The following PSMA4 variants were observed in gnomAD, a reference collection of about 807,000 sequenced individuals.
The protein encoded by PSMA4 is proteasome subunit alpha type-4.
Under a neutral mutation model 37.2 loss-of-function variants are expected in PSMA4, and 8 were observed. The observed-to-expected ratio is 0.22, with a 90% CI of 0.13 to 0.39. The LOEUF is 0.39. PSMA4 is among the 10% of genes least tolerant of loss of function. PSMA4 has a pLI of 1.00. For missense variants in PSMA4, 169 were observed against 305.1 expected (o/e 0.55, Z 3.32); for synonymous variants, 93 against 98.8 (o/e 0.94, Z 0.35).
Position 78,546,580 on chromosome 15 carries a change from T to A in PSMA4, c.513T>A (p.Ala171=), listed in dbSNP as rs748326239. The change falls in exon 8 of 9, where the codon GCT becomes GCA. Residue 171 remains alanine (A), a synonymous_variant. Transcript: ENST00000044462. ...ATCIGNNSAA[A]VSMLKQDYKE... Reference sequence around the variant, plus strand: ...TGTTGATTCATGTTTTATAGGCAGCTGTGTCAATGTTGAAACAAGACTATA... The same window carrying A: ...TGTTGATTCATGTTTTATAGGCAGCAGTGTCAATGTTGAAACAAGACTATA... 6.3e-7 allele frequency: 1 copy of A among 1,581,812 alleles called. No individual in the cohort carries two copies.
At chr15:78,541,776 T>C in intron 1 of PSMA4, 129 bp from the exon 2 acceptor site, 4 of 765,158 alleles carry the variant, frequency 5.2e-6, no homozygotes, top group Non-Finnish European at 8.7e-6. Context: ...ATTTTGGTAT[T>C]CCAGCATCTA....
In PSMA4 at chr15:78,549,729, A is replaced by G. The variant is rs1342101750; in HGVS notation, c.*785A>G. ...AGTAATCTGTTCTAACAAGCTCTGCATGTGATTCTTAGGAATGCTAAGTAA... is the reference window on the plus strand; with the variant it reads ...AGTAATCTGTTCTAACAAGCTCTGCGTGTGATTCTTAGGAATGCTAAGTAA... On this transcript the variant is annotated 3_prime_UTR_variant, in exon 9 of 9. Coordinates refer to ENST00000044462, the MANE Select transcript of PSMA4 (RefSeq NM_002789.6). 1 of 152,274 alleles carries G rather than the reference A, an allele frequency of 6.6e-6. No individual in the cohort carries two copies. Among genetic ancestry groups the G allele is most frequent in the Admixed American group, 6.5e-5 (1 of 15,288 alleles). 9.4% of individuals were successfully genotyped at this position (152,274 alleles called of 1,614,324 possible).
intron 8 of PSMA4, among the ~76,000 whole-genome samples, chr15:78,548,247 AAG>A (rs2052591246): frequency 6.6e-6 from 1 of 152,082 alleles, no homozygotes; most frequent in African/African-American, 2.4e-5. Flanking sequence ...AAAAAAGAAA[AAG>A]AAAATGTCAT....
At chr15:78,544,132 TA>T in intron 4 of PSMA4, 57 bp from the exon 5 acceptor site, 1 of 1,311,396 alleles carries the variant, frequency 7.6e-7, no homozygotes, top group Non-Finnish European at 1.1e-6. Flanking sequence ...TAAATACTTA[TA>T]AACACTCCTT....
chr15:78,546,684 T>C lies in PSMA4; in HGVS notation c.617T>C (p.Leu206Pro), dbSNP rs749131777. 1 of 1,599,078 alleles carries C rather than the reference T, an allele frequency of 6.3e-7. No homozygotes were observed. Among genetic ancestry groups the C allele is most frequent in the Non-Finnish European group, 8.5e-7 (1 of 1,176,024 alleles). ...AATAAGACCATGGATGTTAGTAAACTCTCTGCTGAAAAAGGTAATTCATAT... is the reference window on the plus strand; with the variant it reads ...AATAAGACCATGGATGTTAGTAAACCCTCTGCTGAAAAAGGTAATTCATAT... Reference protein sequence around the residue: ...VLNKTMDVSKLSAEKVEIATL... With the variant: ...VLNKTMDVSKPSAEKVEIATL... Residue 206 changes from leucine to proline, a missense_variant, in exon 8 of 9, where the codon CTC (leucine) becomes CCC (proline). Leu to Pro is a moderately conservative substitution (Grantham distance 98). This residue lies in a region of PSMA4 where 90 missense variants were observed against 92.7 expected (regional missense o/e 0.97). Transcript: ENST00000044462.
In PSMA4 at chr15:78,551,792, T is replaced by G. The variant is rs562954438; in HGVS notation, c.*2848T>G. 1 of 152,274 alleles carries G rather than the reference T, an allele frequency of 6.6e-6. No individual in the cohort carries two copies. Among genetic ancestry groups the G allele is most frequent in the Admixed American group, 6.5e-5 (1 of 15,306 alleles). The allele number at this position is 152,274 out of a possible 1,614,324, so 9.4% of individuals were successfully genotyped here. On this transcript the variant is annotated 3_prime_UTR_variant, in exon 9 of 9. Transcript: ENST00000044462. Reference sequence around the variant, plus strand: ...TGCTTTCCATCCAGATCAGTAGCACTGGTGGATTTTCTGTATCCTGACTAC... The same window carrying G: ...TGCTTTCCATCCAGATCAGTAGCACGGGTGGATTTTCTGTATCCTGACTAC...
chr15:78,542,162 G>A lies in PSMA4; in HGVS notation c.4-15G>A. 2 of 1,611,710 alleles carry A rather than the reference G, an allele frequency of 1.2e-6. No individual in the cohort carries two copies. The highest frequency in any genetic ancestry group is 1.7e-6 in the Non-Finnish European group (2 of 1,178,634). ...TTCAGTGGGTAGGAATCACTCATGT[G>A]TTTTTCCTTTGCAGTCTCGAAGATA... is the stretch of plus-strand genomic sequence containing the variant. On this transcript the variant is annotated splice_polypyrimidine_tract_variant and intron_variant, in intron 2 of 8. Transcript: ENST00000044462.
rs749229214 is a variant in PSMA4, at chr15:78,546,566, G to T, written c.508-9G>T. On this transcript the variant is annotated splice_polypyrimidine_tract_variant and intron_variant, in intron 7 of 8. Coordinates refer to ENST00000044462, the MANE Select transcript of PSMA4 (RefSeq NM_002789.6). ...AACTTAAAATTCTATGTTGATTCAT[G>T]TTTTATAGGCAGCTGTGTCAATGTT... is the stretch of plus-strand genomic sequence containing the variant. 9 of 1,571,168 alleles carry T rather than the reference G, an allele frequency of 5.7e-6. No homozygotes were observed. The highest frequency in any genetic ancestry group is 1.7e-4 in the Middle Eastern group (1 of 5,890).
rs1020836773 is a variant in PSMA4 at position 78,551,691 on chromosome 15, C to T, written c.*2747C>T. 2 of 152,050 alleles carry T rather than the reference C, an allele frequency of 1.3e-5. No individual in the cohort carries two copies. Among genetic ancestry groups the T allele is most frequent in the Non-Finnish European group, 1.5e-5 (1 of 67,988 alleles). The allele number at this position is 152,050 out of a possible 1,614,324, so 9.4% of individuals were successfully genotyped here. A position where few individuals can be genotyped will look rare whatever the true frequency, so the allele number is the denominator to read the frequency against. ...TCGGTACCTAGAACAGAAACTGGCA[C>T]GTGTTAGGCAACAAATAAGTACTGA... is the stretch of plus-strand genomic sequence containing the variant. On this transcript the variant is annotated 3_prime_UTR_variant, in exon 9 of 9. Coordinates refer to ENST00000044462, the MANE Select transcript of PSMA4 (RefSeq NM_002789.6).
chr15:78,542,409 T>C lies in PSMA4; in HGVS notation c.47-74T>C, dbSNP rs2052471009. On this transcript the variant is annotated intron_variant, in intron 3 of 8. Transcript: ENST00000044462. Reference sequence around the variant, plus strand: ...GAAATTTGTTTCTAGCTTGCTTCATTGCTGATTTCTTTTGGGCCAGTGGTG... The same window carrying C: ...GAAATTTGTTTCTAGCTTGCTTCATCGCTGATTTCTTTTGGGCCAGTGGTG... 9.1e-6 allele frequency: 14 copies of C among 1,530,464 alleles called. No individual in the cohort carries two copies. The South Asian group carries it at 1.5e-4, about 16-fold the overall frequency. 94.8% of individuals were successfully genotyped at this position (1,530,464 alleles called of 1,614,324 possible). A position where few individuals can be genotyped will look rare whatever the true frequency, so the allele number is the denominator to read the frequency against.
chr15:78,541,459 A>T (rs572830874), intron 1 of PSMA4: 5 of 166,752 alleles, frequency 3.0e-5, no homozygotes, highest in Non-Finnish European at 5.2e-5. Flanking sequence ...TCAGCAGTTT[A>T]TCTCATGCCC....
At chr15:78,542,290 A>T in intron 3 of PSMA4, 71 bp downstream of exon 3, 1 of 1,503,288 alleles carries the variant, frequency 6.7e-7, no homozygotes, top group Non-Finnish European at 9.0e-7. Flanking sequence ...AAAAAAAATT[A>T]CAAACTTTTT....
At chr15:78,541,705 T>C (rs2052456449) in intron 1 of PSMA4, 200 bp from the exon 2 acceptor site, 1 of 568,170 alleles carries the variant, frequency 1.8e-6, no homozygotes, top group Non-Finnish European at 3.1e-6. Flanking sequence ...TTATAATCTA[T>C]GACTGCCTCT....
At chr15:78,542,347 A>T (rs2292117) in intron 3 of PSMA4, 128 bp downstream of exon 3, 1 of 1,377,630 alleles carries the variant, frequency 7.3e-7, no homozygotes, top group Non-Finnish European at 1.0e-6. Flanking sequence ...AGCAATTATC[A>T]TCACCAGGTT....
intron 2 of PSMA4, 58 bp from the exon 3 acceptor site, chr15:78,542,119 T>G (rs2052464408): frequency 6.5e-7 from 1 of 1,538,892 alleles, no homozygotes; most frequent in African/African-American, 1.4e-5. Flanking sequence ...TTTGTAGGCT[T>G]GCAGGAGTTG....
chr15:78,550,358 G>T lies in PSMA4; in HGVS notation c.*1414G>T, dbSNP rs117469337. ...GTTTTGTTTTGTTTTTTGAGACTGG[G>T]TCTTGCTCTGTCACCCAGGCTGGAG... On this transcript the variant is annotated 3_prime_UTR_variant, in exon 9 of 9. Coordinates refer to ENST00000044462, the MANE Select transcript of PSMA4 (RefSeq NM_002789.6). The T allele has an allele frequency of 1.3e-3, 198 of 152,546 alleles. 3 individuals carry two copies. The East Asian group carries it at 0.015, about 12-fold the overall frequency. 9.4% of individuals were successfully genotyped at this position (152,546 alleles called of 1,614,324 possible).
In PSMA4 at chr15:78,548,911, GAAAGAA is replaced by G. The variant is rs1462664164; in HGVS notation, c.760_765del (p.Lys254_Glu255del). On this transcript the variant is annotated inframe_deletion, in exon 9 of 9. Coordinates refer to ENST00000044462, the MANE Select transcript of PSMA4 (RefSeq NM_002789.6). ...AAGAAGCCAAAGCTGAGCGTGAGAA[GAAAGAA>G]AAAGAACAGAAAGAAAAGGATAAAT... The G allele has an allele frequency of 6.2e-7, 1 of 1,607,064 alleles. No homozygotes were observed. Among genetic ancestry groups the G allele is most frequent in the Non-Finnish European group, 8.5e-7 (1 of 1,177,716 alleles).
intron 8 of PSMA4, among the ~76,000 whole-genome samples, 195 bp downstream of exon 8, chr15:78,546,893 G>A (rs1390832554): frequency 1.3e-5 from 2 of 151,922 alleles, no homozygotes; most frequent in Admixed American, 6.6e-5. Context: ...AGCCTGCCGA[G>A]TAGCTGGGAC....
In PSMA4 at chr15:78,549,163, T is replaced by C. The variant is rs1268993289; in HGVS notation, c.*219T>C. 13 of 582,470 alleles carry C rather than the reference T, an allele frequency of 2.2e-5. No homozygotes were observed. Among genetic ancestry groups the C allele is most frequent in the Non-Finnish European group, 2.9e-5 (12 of 416,784 alleles). 36.1% of individuals were successfully genotyped at this position (582,470 alleles called of 1,614,324 possible). On this transcript the variant is annotated 3_prime_UTR_variant, in exon 9 of 9. Coordinates refer to ENST00000044462, the MANE Select transcript of PSMA4 (RefSeq NM_002789.6). Reference sequence around the variant, plus strand: ...TCTTAATCTTCCACACACATCCCCTTTTTTTGGAATAAAATTTGGAAAATG... The same window carrying C: ...TCTTAATCTTCCACACACATCCCCTCTTTTTGGAATAAAATTTGGAAAATG...
Sources: gnomAD v4.1 joint callset for allele counts (sites outside exome capture counted in the v4.1 genomes callset) on GRCh38, gnomAD v4.1.1 for gene constraint, gnomAD v4.1.1 regional missense constraint, MANE v1.5 for transcripts, NCBI Gene and HGNC (gene_info 2026-07-23, HGNC 2026-07-21) for gene names.